The following DNAH9 variants were observed in gnomAD, a reference collection of about 807,000 sequenced individuals.
The protein encoded by DNAH9 is DNAH9 variant protein.
A neutral mutation model predicts 471.6 loss-of-function variants in DNAH9; 345 were observed. The observed-to-expected ratio is 0.73, with a 90% CI of 0.67 to 0.80. The LOEUF (loss-of-function observed/expected upper bound fraction) is 0.80, where lower values mean the gene tolerates loss of function less well. Ranked by LOEUF, DNAH9 falls within the 30% of genes least tolerant of loss-of-function variation. DNAH9 has a pLI of 0.00. For missense variants in DNAH9, 5,407 were observed against 5,609.2 expected (o/e 0.96, Z 1.15); for synonymous variants, 2,093 against 2,123.6 (o/e 0.99, Z 0.40).
At chr17:11,923,711 C>A in intron 61 of DNAH9, 103 bp from the exon 62 acceptor site, 3 of 1,433,396 alleles carry the variant, frequency 2.1e-6, no homozygotes, top group Non-Finnish European at 2.9e-6. Context: ...TTTGGGCATG[C>A]CCGTGTTTGA....
At chr17:11,618,301 T>C (rs968595119) in intron 5 of DNAH9, among the ~76,000 whole-genome samples, 5 of 152,194 alleles carry the variant, frequency 3.3e-5, no homozygotes, top group African/African-American at 7.2e-5. Context: ...AAGAAAGAAC[T>C]AGAGGGCCGG....
At chr17:11,824,560 G>C (rs551880965) in intron 48 of DNAH9, among the ~76,000 whole-genome samples, 1 of 152,070 alleles carries the variant, frequency 6.6e-6, no homozygotes, top group Non-Finnish European at 1.5e-5. Flanking sequence ...CTTTCATCCT[G>C]TTGGCTTTTT....
intron 49 of DNAH9, among the ~76,000 whole-genome samples, chr17:11,852,814 GTATATATATATATATATATATATATA>G (rs58555259): frequency 1.6e-3 from 149 of 92,688 alleles, no homozygotes; most frequent in Middle Eastern, 5.6e-3. Flanking sequence ...GTGTGTGTGT[GTATATATATATATATATATATATATA>G]TATATATATA....
At position 11,794,510 on chromosome 17, in the gene DNAH9, T is replaced by G. The variant is rs146895156; in HGVS notation, c.8223+846T>G. ...TTAATGCCACTTATCTCACTCTTCCTGAGTCTTCTCTTCTCCAGGCGAAAT... is the reference window on the plus strand; with the variant it reads ...TTAATGCCACTTATCTCACTCTTCCGGAGTCTTCTCTTCTCCAGGCGAAAT... On this transcript the variant is annotated intron_variant, in intron 42 of 68. Coordinates refer to ENST00000262442, the MANE Select transcript of DNAH9 (RefSeq NM_001372.4). 1.4e-4 allele frequency among the ~76,000 whole-genome samples: 21 copies of G among 152,350 alleles called. 1 individual carries two copies. The East Asian group carries it at 4.1e-3, about 29-fold the overall frequency.
rs1227418505 is a variant in DNAH9, at chr17:11,969,463, T to A, written c.13397T>A (p.Leu4466Gln). 6.2e-7 allele frequency: 1 copy of A among 1,613,794 alleles called. No homozygotes were observed. The highest frequency in any genetic ancestry group is 1.7e-5 in the Admixed American group (1 of 60,000). The change falls in exon 69 of 69, where the codon CTG (leucine) becomes CAG (glutamine). Residue 4466 changes from leucine (L) to glutamine (Q), a missense_variant. Leu to Gln is a moderately radical substitution (Grantham distance 113). Around this residue, in one of 3 missense-constraint regions of DNAH9, gnomAD observed 4,636 missense variants for 4,900.3 expected, o/e 0.95. Coordinates refer to ENST00000262442, the MANE Select transcript of DNAH9 (RefSeq NM_001372.4). ...CCCACCTACGTGTGGACTTTCAACC[T>A]GAAGACTAAGGAAAACCCATCCAAG... ...RGPTYVWTFNLKTKENPSKWV... is the reference protein window; with the variant it reads ...RGPTYVWTFNQKTKENPSKWV...
At chr17:11,740,383 AAGCAGGGTGCC>A (rs1412292575) in intron 29 of DNAH9, among the ~76,000 whole-genome samples, 1 of 152,180 alleles carries the variant, frequency 6.6e-6, no homozygotes, top group Non-Finnish European at 1.5e-5. Flanking sequence ...GAAAGTTCAA[AAGCAGGGTGCC>A]AGCACGGTCA....
intron 37 of DNAH9, 37 bp downstream of exon 37, chr17:11,768,663 T>C (rs1432574060): frequency 6.2e-7 from 1 of 1,601,100 alleles, no homozygotes; most frequent in African/African-American, 1.3e-5. Flanking sequence ...GTGCGTGCAG[T>C]TGCCCTCAAG....
At position 11,822,049 on chromosome 17, in the gene DNAH9, G is replaced by T. The variant is rs372709792; in HGVS notation, c.8837G>T (p.Arg2946Leu). Residue 2946 changes from arginine (R) to leucine (L), a missense_variant, in exon 46 of 69, where the codon CGG (arginine) becomes CTG (leucine). This residue lies in a region of DNAH9 where 4,636 missense variants were observed against 4,900.3 expected (regional missense o/e 0.95). Transcript: ENST00000262442. ...TGGAAGTTCTTTATAGATCGGATCC[G>T]GCGACAGCTGAAGGTAAAGAGCATT... ...NCWKFFIDRI[R>L]RQLKVTLCFS... is the part of the protein sequence containing the mutation. The T allele has an allele frequency of 2.4e-5, 39 of 1,612,336 alleles. No homozygotes were observed. In the African/African-American group the frequency reaches 4.9e-4, roughly 20 times the overall value.
chr17:11,612,089 G>T (rs1035526229), intron 4 of DNAH9: 17 of 583,872 alleles, frequency 2.9e-5, no homozygotes, highest in Non-Finnish European at 4.9e-5. Context: ...GATTATACAG[G>T]TGGAAGAACT....
At chr17:11,666,098 G>A (rs2073861947) in intron 15 of DNAH9, among the ~76,000 whole-genome samples, 2 of 152,172 alleles carry the variant, frequency 1.3e-5, no homozygotes, top group Admixed American at 6.5e-5. Flanking sequence ...TCATCTTCTG[G>A]AGCCTGGGAG....
intron 66 of DNAH9, among the ~76,000 whole-genome samples, chr17:11,938,433 T>C (rs1414020327): frequency 1.4e-5 from 2 of 141,212 alleles, no homozygotes; most frequent in Non-Finnish European, 3.0e-5. Context: ...CACTCCAGCC[T>C]GGTGACAGAG....
At chr17:11,792,772 G>A (rs953625391) in intron 41 of DNAH9, among the ~76,000 whole-genome samples, 1 of 152,212 alleles carries the variant, frequency 6.6e-6, no homozygotes, top group Non-Finnish European at 1.5e-5. Flanking sequence ...AAATATAGCA[G>A]AGAAACCACT....
At position 11,723,269 on chromosome 17, in the gene DNAH9, C is replaced by A. The variant is rs578182793; in HGVS notation, c.5709+3779C>A. 5.3e-5 allele frequency: 8 copies of A among 152,372 alleles called. No homozygotes were observed. In the East Asian group the frequency reaches 1.4e-3, roughly 26 times the overall value. 9.4% of individuals were successfully genotyped at this position (152,372 alleles called of 1,614,324 possible). A position where few individuals can be genotyped will look rare whatever the true frequency, so the allele number is the denominator to read the frequency against. ...ATCAGGAAGGATCATCTCATTTTCC[C>A]TGAGATCCTGGTGGAAAACTTCAGG... On this transcript the variant is annotated intron_variant, in intron 27 of 68. Transcript: ENST00000262442.
At chr17:11,836,580 G>A (rs891632378) in intron 49 of DNAH9, among the ~76,000 whole-genome samples, 3 of 152,146 alleles carry the variant, frequency 2.0e-5, no homozygotes, top group African/African-American at 7.2e-5. Context: ...CCTACAGCCA[G>A]ACAGGCTTCT....
In DNAH9 at chr17:11,669,465, C is replaced by T; in HGVS notation, c.3024C>T (p.Ser1008=). ...TGGGCCTCTGCTGTGGCTATCAGAG[C>T]ACCTTCAGCCAGTATTCGTACCTCT... is the stretch of plus-strand genomic sequence containing the variant. ...RMMGLCCGYQ[S]TFSQYSYLYV... is the part of the protein sequence containing the mutation. Residue 1008 remains serine (S), a synonymous_variant, in exon 17 of 69, where the codon AGC becomes AGT. Coordinates refer to ENST00000262442, the MANE Select transcript of DNAH9 (RefSeq NM_001372.4). The T allele has an allele frequency of 6.2e-7, 1 of 1,614,124 alleles. No individual in the cohort carries two copies. Among genetic ancestry groups the T allele is most frequent in the Non-Finnish European group, 8.5e-7 (1 of 1,179,988 alleles).
chr17:11,825,323 C>T (rs922148627), intron 48 of DNAH9, among the ~76,000 whole-genome samples: 1 of 152,186 alleles, frequency 6.6e-6, no homozygotes, highest in Non-Finnish European at 1.5e-5. Context: ...TGTGCTTCCT[C>T]TCCTCACCGC....
intron 49 of DNAH9, among the ~76,000 whole-genome samples, chr17:11,838,689 T>C (rs936186960): frequency 6.6e-6 from 1 of 152,112 alleles, no homozygotes; most frequent in Non-Finnish European, 1.5e-5. Flanking sequence ...TAACAGTCCA[T>C]CCGTCACCAA....
At chr17:11,662,849 G>C (rs1227680621) in intron 14 of DNAH9, among the ~76,000 whole-genome samples, 1 of 133,602 alleles carries the variant, frequency 7.5e-6, no homozygotes, top group Non-Finnish European at 1.6e-5. Flanking sequence ...TCCGCCTCCC[G>C]GGTTCACGCC....
Position 11,664,968 on chromosome 17 carries a change from G to C in DNAH9, c.2731G>C (p.Glu911Gln), listed in dbSNP as rs748597292. ...CCTCAAGTATCTTCTGGAAAATACTGGTACTTACTGGCTTATGGATGTGGG... is the reference window on the plus strand; with the variant it reads ...CCTCAAGTATCTTCTGGAAAATACTCGTACTTACTGGCTTATGGATGTGGG... ...CSLKYLLENT[E>Q]CKAGLTPIFE... Residue 911 changes from glutamate (E) to glutamine (Q), a missense_variant and splice_region_variant, in exon 15 of 69, where the codon GAG becomes CAG. Physicochemically the swap from Glu to Gln is conservative, Grantham distance 29. Coordinates refer to ENST00000262442, the MANE Select transcript of DNAH9 (RefSeq NM_001372.4). The C allele has an allele frequency of 3.1e-6, 5 of 1,611,334 alleles. No homozygotes were observed. Among genetic ancestry groups the C allele is most frequent in the Non-Finnish European group, 4.2e-6 (5 of 1,178,410 alleles).
Sources: gnomAD v4.1 joint callset for allele counts (sites outside exome capture counted in the v4.1 genomes callset) on GRCh38, gnomAD v4.1.1 for gene constraint, gnomAD v4.1.1 regional missense constraint, MANE v1.5 for transcripts, NCBI Gene and HGNC (gene_info 2026-07-23, HGNC 2026-07-21) for gene names.